Variants in CUL1 observed in about 807,000 individuals in gnomAD.
CUL1 encodes the protein cullin 1.
A neutral mutation model predicts 118.0 loss-of-function variants in CUL1; 24 were observed. The observed-to-expected ratio is 0.20, with a 90% CI of 0.15 to 0.29. The LOEUF is 0.29. Among genes scored for constraint, CUL1 ranks in the 10% least tolerant of loss-of-function variants. CUL1 has a pLI of 1.00. For synonymous variants in CUL1, 332 were observed against 340.4 expected, an observed-to-expected ratio of 0.98 and a Z score of 0.27; for missense variants, 361 against 933.8, an observed-to-expected ratio of 0.39 and a Z score of 7.99.
chr7:148,711,623 A>G (rs1665979387), intron 1 of CUL1, among the ~76,000 whole-genome samples: 1 of 152,332 alleles, frequency 6.6e-6, no homozygotes, highest in South Asian at 2.1e-4. Context: ...TTGCTCAGCT[A>G]GGGAAAATTA....
chr7:148,724,210 G>A (rs917266486), intron 1 of CUL1, among the ~76,000 whole-genome samples: 14 of 152,174 alleles, frequency 9.2e-5, no homozygotes, highest in African/African-American at 2.9e-4. Context: ...CTTATGCACC[G>A]TTAATCTTGA....
chr7:148,732,589 C>T (rs1248075377), intron 2 of CUL1, among the ~76,000 whole-genome samples: 2 of 151,890 alleles, frequency 1.3e-5, no homozygotes, highest in Non-Finnish European at 2.9e-5. Flanking sequence ...TTCCGCCTGG[C>T]TTGGCCTTCC....
rs559450872 is a variant in CUL1, at chr7:148,726,400, A to G, written c.-161-3562A>G. On this transcript the variant is annotated intron_variant, in intron 1 of 21. Coordinates refer to ENST00000325222, the MANE Select transcript of CUL1 (RefSeq NM_003592.3). ...AAAAGTCAAGCTTTAAAAAAAAAAAAGGGCTTTCTTAAATTTCAAAATATC... is the reference window on the plus strand; with the variant it reads ...AAAAGTCAAGCTTTAAAAAAAAAAAGGGGCTTTCTTAAATTTCAAAATATC... Among the ~76,000 whole-genome samples the G allele has an allele frequency of 3.1e-3, 478 of 151,904 alleles. 2 individuals are homozygous for G. Among genetic ancestry groups the G allele is most frequent in the African/African-American group, 9.8e-3 (408 of 41,432 alleles).
intron 9 of CUL1, among the ~76,000 whole-genome samples, chr7:148,776,343 G>A (rs1417671178): frequency 2.2e-3 from 82 of 38,092 alleles, no homozygotes; most frequent in Non-Finnish European, 9.6e-4. Flanking sequence ...TTGAGATGGA[G>A]TCTCACTCTT....
At chr7:148,782,880 C>G (rs895192326) in intron 9 of CUL1, among the ~76,000 whole-genome samples, 2 of 152,132 alleles carry the variant, frequency 1.3e-5, no homozygotes, top group African/African-American at 4.8e-5. Context: ...TGGGGGTGAC[C>G]CGGAGCTCCC....
In CUL1 at chr7:148,787,148, C is replaced by A. The variant is rs1179166521; in HGVS notation, c.1479+28C>A. 10 of 1,610,530 alleles carry A rather than the reference C, an allele frequency of 6.2e-6. No individual in the cohort carries two copies. Among genetic ancestry groups the A allele is most frequent in the African/African-American group, 1.3e-5 (1 of 74,716 alleles). Reference sequence around the variant, plus strand: ...GAGTTTCATCTTTTCCTGAAAAATCCCAGCTTCTGAGTCATTATTAAAACA... The same window carrying A: ...GAGTTTCATCTTTTCCTGAAAAATCACAGCTTCTGAGTCATTATTAAAACA... On this transcript the variant is annotated intron_variant, in intron 13 of 21. Transcript: ENST00000325222. The surrounding 1 kb of genome is among the most constrained non-coding windows in gnomAD (Gnocchi z 5.5).
chr7:148,725,198 T>TACACACACAC lies in CUL1; in HGVS notation c.-161-4759_-161-4750dup, dbSNP rs147863334. Among the ~76,000 whole-genome samples, 159 of 106,834 alleles carry TACACACACAC rather than the reference T, an allele frequency of 1.5e-3. 1 individual carries two copies. Among genetic ancestry groups the TACACACACAC allele is most frequent in the African/African-American group, 4.8e-3 (150 of 31,552 alleles). The allele number at this position is 106,834 out of a possible 152,430, so 70.1% of individuals were successfully genotyped here. ...GGCATGCAGCGCACATGCGCGCGTG[T>TACACACACAC]ACACACACACACACGCGCGCGCTCA... On this transcript the variant is annotated intron_variant, in intron 1 of 21. Coordinates refer to ENST00000325222, the MANE Select transcript of CUL1 (RefSeq NM_003592.3).
At chr7:148,733,250 A>G (rs1228470139) in intron 2 of CUL1, among the ~76,000 whole-genome samples, 1 of 152,220 alleles carries the variant, frequency 6.6e-6, no homozygotes, top group Non-Finnish European at 1.5e-5. Context: ...TATTTTGATT[A>G]ACTCTTCAAT....
intron 1 of CUL1, among the ~76,000 whole-genome samples, chr7:148,700,324 A>C (rs1160537126): frequency 6.6e-6 from 1 of 152,188 alleles, no homozygotes; most frequent in African/African-American, 2.4e-5. Context: ...AGCTTCTAGG[A>C]CCTAAGCATA....
intron 1 of CUL1, among the ~76,000 whole-genome samples, chr7:148,704,806 A>C (rs1797832511): frequency 6.7e-6 from 1 of 149,424 alleles, no homozygotes; most frequent in African/African-American, 2.6e-5. Context: ...TTCTCTTAGC[A>C]GTAGGTTATT....
At chr7:148,711,799 G>T (rs1439174018) in intron 1 of CUL1, among the ~76,000 whole-genome samples, 9 of 152,184 alleles carry the variant, frequency 5.9e-5, no homozygotes, top group Admixed American at 3.9e-4. Context: ...TCAACTGCAG[G>T]GCAAACGGTT....
chr7:148,742,331 G>A (rs1308794956), intron 2 of CUL1, among the ~76,000 whole-genome samples: 1 of 152,198 alleles, frequency 6.6e-6, no homozygotes, highest in East Asian at 1.9e-4. Context: ...GAGAAGCAAA[G>A]TCATGTCTTA....
intron 17 of CUL1, among the ~76,000 whole-genome samples, chr7:148,797,056 T>C (rs1172900726): frequency 1.3e-5 from 2 of 152,040 alleles, no homozygotes; most frequent in African/African-American, 4.8e-5. Context: ...GCTGTGAGGC[T>C]GAAGGAGGGC....
At chr7:148,724,725 G>C (rs933863094) in intron 1 of CUL1, among the ~76,000 whole-genome samples, 2 of 152,090 alleles carry the variant, frequency 1.3e-5, no homozygotes, top group African/African-American at 4.8e-5. Context: ...ACATCTGCAG[G>C]GTACACGCCC....
rs574437029 is a variant in CUL1, at chr7:148,728,449, G to A, written c.-161-1513G>A. On this transcript the variant is annotated intron_variant, in intron 1 of 21. Transcript: ENST00000325222. ...GGGGAAAGTAGGGTAGGTCCAAACA[G>A]TTGATGCTATCAGATGCACCACCAG... 3.3e-5 allele frequency among the ~76,000 whole-genome samples: 5 copies of A among 152,282 alleles called. No individual in the cohort carries two copies. The East Asian group carries it at 9.7e-4, about 29-fold the overall frequency.
chr7:148,800,161 CTCT>C lies in CUL1; in HGVS notation c.2251-336_2251-334del, dbSNP rs1306227958. On this transcript the variant is annotated intron_variant, in intron 21 of 21. Coordinates refer to ENST00000325222, the MANE Select transcript of CUL1 (RefSeq NM_003592.3). This position sits in a 1 kb window ranked among gnomAD's most constrained non-coding sequence, Gnocchi z 4.6. ...CAGTCCCCTGTTCCCTGTTCATGGC[CTCT>C]TCTTGTGAGACTGAGTCCTGCCGCA... is the stretch of plus-strand genomic sequence containing the variant. 6.6e-6 allele frequency among the ~76,000 whole-genome samples: 1 copy of C among 152,164 alleles called. No individual in the cohort carries two copies. The highest frequency in any genetic ancestry group is 2.4e-5 in the African/African-American group (1 of 41,442).
chr7:148,786,256 G>A (rs1210105141), intron 11 of CUL1, among the ~76,000 whole-genome samples: 3 of 152,200 alleles, frequency 2.0e-5, no homozygotes, highest in Non-Finnish European at 4.4e-5. Flanking sequence ...AGTTTAAGTG[G>A]ATTATCTTAA....
chr7:148,722,283 C>A (rs556552039), intron 1 of CUL1, among the ~76,000 whole-genome samples: 1 of 152,196 alleles, frequency 6.6e-6, no homozygotes, highest in Non-Finnish European at 1.5e-5. Context: ...TCTGCACTAA[C>A]GAATGCCCTC....
chr7:148,750,474 G>A (rs760869077), intron 2 of CUL1, among the ~76,000 whole-genome samples: 3 of 151,908 alleles, frequency 2.0e-5, no homozygotes, highest in African/African-American at 7.3e-5. Context: ...GACAGGCCCT[G>A]GTGTGTGATG....
Sources: allele counts gnomAD v4.1 joint callset (sites outside exome capture counted in the v4.1 genomes callset), GRCh38; gene constraint gnomAD v4.1.1; non-coding constraint Gnocchi (gnomAD v3.1); transcripts MANE v1.5; gene names NCBI Gene and HGNC (gene_info 2026-07-23, HGNC 2026-07-21).